Variants in TMEM181 observed in about 807,000 individuals in gnomAD.
The protein encoded by TMEM181 is transmembrane protein 181, also known as G protein-coupled receptor 178.
Under a neutral mutation model 71.9 loss-of-function variants are expected in TMEM181, and 39 were observed. That is an observed-to-expected ratio of 0.54 (90% CI 0.42 to 0.71). TMEM181 has a LOEUF of 0.71. TMEM181 is among the 30% of genes least tolerant of loss of function. The pLI is 0.00. For missense variants in TMEM181, 595 were observed against 583.0 expected, an observed-to-expected ratio of 1.02 and a Z score of -0.21; for synonymous variants, 245 against 228.8, an observed-to-expected ratio of 1.07 and a Z score of -0.64.
chr6:158,553,326 A>G (rs1475286154), intron 1 of TMEM181, among the ~76,000 whole-genome samples: 1 of 151,930 alleles, frequency 6.6e-6, no homozygotes, highest in Non-Finnish European at 1.5e-5. Context: ...ACATTTACAA[A>G]ATTTATTTAT....
chr6:158,605,229 T>G, intron 6 of TMEM181, 38 bp from the exon 7 acceptor site: 1 of 1,539,232 alleles, frequency 6.5e-7, no homozygotes. Flanking sequence ...GATGCATATA[T>G]ATTTTTTTCA....
At chr6:158,610,896 G>T in intron 10 of TMEM181, 1 of 400,698 alleles carries the variant, frequency 2.5e-6, no homozygotes, top group South Asian at 2.3e-5. Flanking sequence ...AGTGAAGGAA[G>T]AAGGCTCTGG....
upstream of TMEM181, among the ~76,000 whole-genome samples, chr6:158,556,262 G>C (rs1781885143): frequency 6.6e-6 from 1 of 152,216 alleles, no homozygotes; most frequent in Non-Finnish European, 1.5e-5. Flanking sequence ...AAAAAGGCAA[G>C]CTGTGCCAGC....
chr6:158,619,847 G>A (rs371643818), intron 10 of TMEM181, among the ~76,000 whole-genome samples: 11 of 135,854 alleles, frequency 8.1e-5, no homozygotes, highest in African/African-American at 2.5e-4. Flanking sequence ...CCAGCCTGGC[G>A]ACACAGCGAG....
intron 6 of TMEM181, among the ~76,000 whole-genome samples, chr6:158,590,884 A>C (rs1784073921): frequency 6.6e-6 from 1 of 152,212 alleles, no homozygotes; most frequent in Non-Finnish European, 1.5e-5. Flanking sequence ...AGTCCTTGGC[A>C]ATCACTAACG....
chr6:158,566,165 A>G (rs1473066054), intron 1 of TMEM181, among the ~76,000 whole-genome samples: 1 of 152,114 alleles, frequency 6.6e-6, no homozygotes, highest in African/African-American at 2.4e-5. Flanking sequence ...CCACAGGCAC[A>G]GGACCAGGGG....
Position 158,552,775 on chromosome 6 carries a change from C to T in TMEM181, c.131+15910C>T, listed in dbSNP as rs189615521. On this transcript the variant is annotated intron_variant, in intron 1 of 16. Coordinates refer to the TMEM181 transcript ENST00000367090. ...CAAAGTTGAGCTTCTGAGAGATGAA[C>T]CTGAGAAGCTTTAAAATGAAAACTC... Among the ~76,000 whole-genome samples, 5 of 152,226 alleles carry T rather than the reference C, an allele frequency of 3.3e-5. No individual in the cohort carries two copies. In the South Asian group the frequency reaches 6.2e-4, roughly 19 times the overall value.
chr6:158,603,446 C>T (rs1377817721), intron 6 of TMEM181, among the ~76,000 whole-genome samples: 1 of 152,232 alleles, frequency 6.6e-6, no homozygotes, highest in African/African-American at 2.4e-5. Context: ...GTAATGCTCG[C>T]TGGCCCACTG....
chr6:158,607,389 A>G (rs772566850), intron 8 of TMEM181, 46 bp downstream of exon 8: 1 of 1,567,272 alleles, frequency 6.4e-7, no homozygotes, highest in South Asian at 1.1e-5. Context: ...TTTAAAATGT[A>G]AAGCTGGAGG....
At chr6:158,603,329 G>A (rs1014124265) in intron 6 of TMEM181, among the ~76,000 whole-genome samples, 1 of 151,142 alleles carries the variant, frequency 6.6e-6, no homozygotes, top group Middle Eastern at 3.4e-3. Context: ...TTTATCATTA[G>A]ATTCTCGTAA....
intron 6 of TMEM181, among the ~76,000 whole-genome samples, chr6:158,599,911 G>C (rs1583011630): frequency 6.6e-6 from 1 of 152,344 alleles, no homozygotes; most frequent in South Asian, 2.1e-4. Flanking sequence ...CTGCTGACAG[G>C]GGCGGCCTCC....
intron 1 of TMEM181, among the ~76,000 whole-genome samples, chr6:158,566,391 C>G (rs1782495416): frequency 6.6e-6 from 1 of 151,468 alleles, no homozygotes; most frequent in Admixed American, 6.6e-5. Flanking sequence ...GCAGTGTGTC[C>G]CAGGATGATG....
At chr6:158,584,785 C>G (rs550322944) in intron 4 of TMEM181, among the ~76,000 whole-genome samples, 19 of 152,244 alleles carry the variant, frequency 1.2e-4, no homozygotes, top group African/African-American at 4.3e-4. Context: ...GCAAAAAATT[C>G]ATATTACTAC....
intron 1 of TMEM181, among the ~76,000 whole-genome samples, chr6:158,571,165 T>G (rs551094376): frequency 5.3e-5 from 8 of 152,168 alleles, no homozygotes; most frequent in African/African-American, 1.9e-4. Context: ...GGTGCCATCT[T>G]GGCTCACTGC....
At chr6:158,566,084 A>G (rs995709950) in intron 1 of TMEM181, among the ~76,000 whole-genome samples, 6 of 152,160 alleles carry the variant, frequency 3.9e-5, no homozygotes, top group Non-Finnish European at 8.8e-5. Flanking sequence ...GTGAATCTAA[A>G]TAGATTCTTC....
intron 6 of TMEM181, among the ~76,000 whole-genome samples, chr6:158,597,030 GCT>G (rs768642452): frequency 6.6e-6 from 1 of 152,118 alleles, no homozygotes; most frequent in Non-Finnish European, 1.5e-5. Flanking sequence ...TTCAGATGAG[GCT>G]CTGTTTTCAG....
intron 1 of TMEM181, among the ~76,000 whole-genome samples, chr6:158,565,934 A>G (rs1344294489): frequency 1.3e-5 from 2 of 152,118 alleles, no homozygotes; most frequent in Non-Finnish European, 2.9e-5. Context: ...TTGCGTTCTG[A>G]AAGGACAGTT....
chr6:158,564,309 GT>G (rs1327920543), intron 1 of TMEM181, among the ~76,000 whole-genome samples: 1 of 152,190 alleles, frequency 6.6e-6, no homozygotes, highest in African/African-American at 2.4e-5. Context: ...GTGGGTTCCA[GT>G]CCCACCTCCA....
At chr6:158,608,824 G>T (rs528577784) in intron 10 of TMEM181, 74 bp downstream of exon 10, 1 of 1,414,886 alleles carries the variant, frequency 7.1e-7, no homozygotes, top group Non-Finnish European at 9.8e-7. Flanking sequence ...CAGGCCAGGC[G>T]TAGTGGCTCA....
Sources: allele counts gnomAD v4.1 joint callset (sites outside exome capture counted in the v4.1 genomes callset), GRCh38; gene constraint gnomAD v4.1.1; transcripts MANE v1.5; gene names NCBI Gene and HGNC (gene_info 2026-07-23, HGNC 2026-07-21).